Variants in KSR2 observed in about 807,000 individuals in gnomAD.
KSR2 encodes the protein kinase suppressor of ras 2.
Under a neutral mutation model 107.8 loss-of-function variants are expected in KSR2, and 25 were observed. The ratio of observed to expected loss-of-function variants is 0.23; its 90% confidence interval spans 0.17 to 0.32. The LOEUF is 0.32. KSR2 is among the 10% of genes least tolerant of loss of function. The pLI is 1.00. For missense variants in KSR2, 887 were observed against 1,268.9 expected (o/e 0.70, Z 4.57); for synonymous variants, 480 against 507.0 (o/e 0.95, Z 0.71).
At chr12:117,860,142 G>C (rs2137243193) in intron 2 of KSR2, 149 bp downstream of exon 2, 1 of 760,002 alleles carries the variant, frequency 1.3e-6, no homozygotes, top group African/African-American at 1.7e-5. Context: ...CAGCGATCCT[G>C]AATGTTTTCG....
At chr12:117,934,391 C>T (rs769097217) in intron 1 of KSR2, among the ~76,000 whole-genome samples, 2 of 152,194 alleles carry the variant, frequency 1.3e-5, no homozygotes, top group Non-Finnish European at 2.9e-5. Flanking sequence ...AATAATCACG[C>T]TCTTCCTACA....
intron 7 of KSR2, among the ~76,000 whole-genome samples, chr12:117,576,024 C>G (rs188619426): frequency 6.6e-5 from 10 of 152,194 alleles, no homozygotes; most frequent in South Asian, 4.1e-4. Context: ...CTTACCCCCC[C>G]ACCCTATCCC....
intron 5 of KSR2, among the ~76,000 whole-genome samples, chr12:117,588,785 T>C (rs561953804): frequency 3.0e-4 from 46 of 152,346 alleles, no homozygotes; most frequent in African/African-American, 1.0e-3. Flanking sequence ...TTTGGGCAAG[T>C]GACAACCCCA....
intron 1 of KSR2, among the ~76,000 whole-genome samples, chr12:117,921,002 C>T (rs1895326485): frequency 6.6e-6 from 1 of 152,188 alleles, no homozygotes; most frequent in African/African-American, 2.4e-5. Context: ...AGTATTTTAT[C>T]TTTGAGAGGC....
intron 5 of KSR2, among the ~76,000 whole-genome samples, chr12:117,659,563 T>G (rs1884336365): frequency 6.6e-6 from 1 of 152,212 alleles, no homozygotes; most frequent in Non-Finnish European, 1.5e-5. Context: ...CAGCAGAGAC[T>G]GCTGTTCTGC....
At chr12:117,481,750 C>G (rs1209033200) in intron 16 of KSR2, among the ~76,000 whole-genome samples, 2 of 152,304 alleles carry the variant, frequency 1.3e-5, no homozygotes, top group South Asian at 4.1e-4. Context: ...CCTGCAAAGC[C>G]CAAAGCCTGG....
chr12:117,778,924 C>T (rs1240755878), intron 3 of KSR2, among the ~76,000 whole-genome samples: 7 of 152,178 alleles, frequency 4.6e-5, no homozygotes, highest in Admixed American at 4.6e-4. Flanking sequence ...AAGTAGCATT[C>T]GATGACCTTA....
chr12:117,900,281 A>T (rs1894642541), intron 1 of KSR2, among the ~76,000 whole-genome samples: 1 of 152,230 alleles, frequency 6.6e-6, no homozygotes, highest in African/African-American at 2.4e-5. Flanking sequence ...TCAATACATA[A>T]ATTCAGGTGT....
intron 1 of KSR2, among the ~76,000 whole-genome samples, chr12:117,937,746 G>A (rs1895888828): frequency 6.7e-6 from 1 of 150,374 alleles, no homozygotes; most frequent in Non-Finnish European, 1.5e-5. Context: ...ATCACTTGAG[G>A]TCAGGAGTTC....
rs567303633 is a variant in KSR2 at position 117,849,203 on chromosome 12, C to T, written c.472+6225G>A. Among the ~76,000 whole-genome samples the T allele has an allele frequency of 5.9e-5, 9 of 152,238 alleles. No individual in the cohort carries two copies. In the South Asian group the frequency reaches 1.0e-3, roughly 18 times the overall value. On this transcript the variant is annotated intron_variant, in intron 3 of 19. Transcript: ENST00000339824. ...CCATTCCAGAGGGCACTACCAACCC[C>T]GCTTAGCCTGCTGCACGTCTTCTTT...
chr12:117,485,637 C>T lies in KSR2; in HGVS notation c.2274G>A (p.Leu758=). 6.2e-7 allele frequency: 1 copy of T among 1,613,654 alleles called. No homozygotes were observed. The highest frequency in any genetic ancestry group is 1.7e-5 in the Admixed American group (1 of 60,014). ...YSVVRDAKIV[L]DVNKTRQIAQ... The stretch of plus-strand genomic sequence containing the variant: ...CAATCTGCCTGGTTTTGTTGACATC[C>T]AAAACGATTTTGGCATCCCTCACAA... The change falls in exon 15 of 20, where the codon TTG becomes TTA. Residue 758 remains leucine, a synonymous_variant. Coordinates refer to ENST00000339824, the MANE Select transcript of KSR2 (RefSeq NM_173598.6).
chr12:117,623,602 G>A (rs1882311052), intron 5 of KSR2, among the ~76,000 whole-genome samples: 1 of 152,150 alleles, frequency 6.6e-6, no homozygotes, highest in South Asian at 2.1e-4. Context: ...GTGTATATGT[G>A]CCACATTTGC....
intron 4 of KSR2, among the ~76,000 whole-genome samples, chr12:117,728,319 G>A (rs1418942553): frequency 6.6e-6 from 1 of 152,180 alleles, no homozygotes; most frequent in Non-Finnish European, 1.5e-5. Context: ...AAAGACCAAT[G>A]GTCATATGAG....
intron 9 of KSR2, among the ~76,000 whole-genome samples, chr12:117,544,064 A>G (rs1876682957): frequency 6.6e-6 from 1 of 152,112 alleles, no homozygotes; most frequent in Non-Finnish European, 1.5e-5. Flanking sequence ...CAAAGTTCCT[A>G]TTTCCAAAGA....
intron 4 of KSR2, among the ~76,000 whole-genome samples, chr12:117,760,007 G>T (rs1172933234): frequency 6.6e-6 from 1 of 152,212 alleles, no homozygotes; most frequent in African/African-American, 2.4e-5. Flanking sequence ...TACTTGGGAG[G>T]CTGAGGCAGG....
intron 12 of KSR2, among the ~76,000 whole-genome samples, chr12:117,527,352 C>T (rs7309204): frequency 6.9e-6 from 1 of 144,286 alleles, no homozygotes; most frequent in Non-Finnish European, 1.5e-5. Flanking sequence ...CACACAGACA[C>T]ACACACACAC....
intron 4 of KSR2, among the ~76,000 whole-genome samples, chr12:117,758,092 A>G (rs944599544): frequency 2.6e-5 from 4 of 152,198 alleles, no homozygotes; most frequent in Non-Finnish European, 5.9e-5. Flanking sequence ...CACAAATTTA[A>G]AAACACAAAT....
chr12:117,674,575 G>A (rs2136511517), intron 4 of KSR2, among the ~76,000 whole-genome samples: 1 of 152,214 alleles, frequency 6.6e-6, no homozygotes, highest in East Asian at 1.9e-4. Flanking sequence ...GCCTATTCTG[G>A]ACATTGCATA....
intron 1 of KSR2, among the ~76,000 whole-genome samples, chr12:117,875,729 G>C (rs1003491965): frequency 1.3e-5 from 2 of 152,102 alleles, no homozygotes. Flanking sequence ...AGCCCTTTCC[G>C]TTCCTTCAGG....
Sources: allele counts gnomAD v4.1 joint callset (sites outside exome capture counted in the v4.1 genomes callset), GRCh38; gene constraint gnomAD v4.1.1; transcripts MANE v1.5; gene names NCBI Gene and HGNC (gene_info 2026-07-23, HGNC 2026-07-21).